Variants in MAT2B observed in about 807,000 individuals in gnomAD.
MAT2B encodes the protein methionine adenosyltransferase 2 non-catalytic beta subunit, also known as methionine adenosyltransferase 2 subunit beta.
A neutral mutation model predicts 36.1 loss-of-function variants in MAT2B; 16 were observed. The observed-to-expected ratio is 0.44, with a 90% CI of 0.30 to 0.67. The LOEUF (loss-of-function observed/expected upper bound fraction) is 0.67, where lower values mean the gene tolerates loss of function less well. Among genes scored for constraint, MAT2B ranks in the 30% least tolerant of loss-of-function variants. The probability of loss-of-function intolerance (pLI) is 0.09; values close to 1 mark genes in which losing one functional copy is unlikely to be tolerated. For missense variants in MAT2B, 332 were observed against 398.2 expected (o/e 0.83, Z 1.42); for synonymous variants, 148 against 136.9 (o/e 1.08, Z -0.57).
At chr5:163,510,394 CTTTT>C (rs1270371144) in intron 1 of MAT2B, among the ~76,000 whole-genome samples, 1 of 121,752 alleles carries the variant, frequency 8.2e-6, no homozygotes, top group African/African-American at 3.3e-5. Context: ...TTAGTTTTAG[CTTTT>C]TTTTTTTTTT....
At chr5:163,513,743 A>G in intron 3 of MAT2B, 74 bp downstream of exon 3, 1 of 1,511,920 alleles carries the variant, frequency 6.6e-7, no homozygotes, top group Non-Finnish European at 9.1e-7. Context: ...GGTTTTGTAG[A>G]TGGTTATTTG....
upstream of MAT2B, chr5:163,505,549 C>T (rs2113547512): frequency 1.6e-6 from 2 of 1,243,978 alleles, no homozygotes; most frequent in South Asian, 8.3e-5. Context: ...GCGGCTATGG[C>T]AGCGGAAGCC....
At chr5:163,509,381 A>G (rs1760000110) in intron 1 of MAT2B, among the ~76,000 whole-genome samples, 1 of 152,228 alleles carries the variant, frequency 6.6e-6, no homozygotes, top group South Asian at 2.1e-4. Flanking sequence ...ACGGATTGTT[A>G]TGAAAGCTTT....
chr5:163,507,485 A>T, intron 1 of MAT2B, among the ~76,000 whole-genome samples: 1 of 152,238 alleles, frequency 6.6e-6, no homozygotes, highest in East Asian at 1.9e-4. Context: ...AGAGGCAGAT[A>T]CGTTTAGAGT....
Position 163,512,776 on chromosome 5 carries a change from G to A in MAT2B, c.258+580G>A, listed in dbSNP as rs145022125. 4.6e-3 allele frequency: 1,923 copies of A among 421,778 alleles called. 37 individuals carry two copies. Among genetic ancestry groups the A allele is most frequent in the African/African-American group, 0.036 (1,705 of 47,668 alleles). The allele number at this position is 421,778 out of a possible 1,614,324, so 26.1% of individuals were successfully genotyped here. A position where few individuals can be genotyped will look rare whatever the true frequency, so the allele number is the denominator to read the frequency against. On this transcript the variant is annotated intron_variant, in intron 2 of 6. Transcript: ENST00000321757. ...CTCACTGCAGCCTCCGCCTCCCAGG[G>A]TTCAAGCAATTCTCCTGCCTAAGCT...
In MAT2B at chr5:163,518,399, AAAAGT is replaced by A. The variant is rs778867819; in HGVS notation, c.*38_*42del. 8 of 1,555,384 alleles carry A rather than the reference AAAAGT, an allele frequency of 5.1e-6. No homozygotes were observed. In the South Asian group the frequency reaches 6.0e-5, roughly 12 times the overall value. ...TTGGGTTCTTTTTTTTTTTTAAATG[AAAAGT>A]ATAGTATGTGGCACTTTTTAAAGAA... On this transcript the variant is annotated 3_prime_UTR_variant, in exon 7 of 7. Transcript: ENST00000321757.
chr5:163,512,993 T>G (rs112389284), intron 2 of MAT2B: 17 of 212,234 alleles, frequency 8.0e-5, no homozygotes, highest in African/African-American at 2.6e-4. Flanking sequence ...GAAACATGGT[T>G]GTTTTATTTT....
In MAT2B at chr5:163,505,651, G is replaced by A. The variant is rs1759918285; in HGVS notation, c.-36G>A. 19 of 1,263,248 alleles carry A rather than the reference G, an allele frequency of 1.5e-5. No homozygotes were observed. The highest frequency in any genetic ancestry group is 3.1e-5 in the East Asian group (1 of 32,670). 78.3% of individuals were successfully genotyped at this position (1,263,248 alleles called of 1,614,324 possible). A position where few individuals can be genotyped will look rare whatever the true frequency, so the allele number is the denominator to read the frequency against. ...GCGTCGATCCTGGGTTGGAGGAGGTGGCGGCCGCTGAGGCTGCGGCGTGAA... is the reference window on the plus strand; with the variant it reads ...GCGTCGATCCTGGGTTGGAGGAGGTAGCGGCCGCTGAGGCTGCGGCGTGAA... On this transcript the variant is annotated 5_prime_UTR_variant, in exon 1 of 7. Transcript: ENST00000321757.
At chr5:163,516,267 C>T (rs1760131556) in intron 4 of MAT2B, among the ~76,000 whole-genome samples, 1 of 152,094 alleles carries the variant, frequency 6.6e-6, no homozygotes, top group Non-Finnish European at 1.5e-5. Context: ...CCGGGCTGAT[C>T]TTGAACTCCT....
At chr5:163,506,680 CTAT>C (rs1236053321) in intron 1 of MAT2B, among the ~76,000 whole-genome samples, 1 of 152,182 alleles carries the variant, frequency 6.6e-6, no homozygotes, top group African/African-American at 2.4e-5. Context: ...GATAAATGGT[CTAT>C]TAAACCTCTA....
At chr5:163,507,808 G>C (rs544539711) in intron 1 of MAT2B, among the ~76,000 whole-genome samples, 7 of 152,142 alleles carry the variant, frequency 4.6e-5, no homozygotes, top group Non-Finnish European at 7.4e-5. Context: ...AGAGATATTT[G>C]TTTGGCATAT....
intron 1 of MAT2B, among the ~76,000 whole-genome samples, chr5:163,507,255 G>C (rs1327987800): frequency 1.3e-5 from 2 of 152,140 alleles, no homozygotes; most frequent in Admixed American, 1.3e-4. Flanking sequence ...ATTAATGCAG[G>C]TGTGCTAAAG....
At chr5:163,512,619 T>C in intron 2 of MAT2B, 1 of 424,598 alleles carries the variant, frequency 2.4e-6, no homozygotes, top group Non-Finnish European at 4.7e-6. Flanking sequence ...ATTGCATAAA[T>C]GATAGCTCTT....
Position 163,513,581 on chromosome 5 carries a change from A to C in MAT2B, c.285A>C (p.Ala95=). ...FQPHVIVHCA[A]ERRPDVVENQ... ...CCCATGTTATAGTACATTGTGCAGCAGAGAGAAGACCAGATGTTGTAGAAA... is the reference window on the plus strand; with the variant it reads ...CCCATGTTATAGTACATTGTGCAGCCGAGAGAAGACCAGATGTTGTAGAAA... Residue 95 remains alanine (A), a synonymous_variant, in exon 3 of 7, where the codon GCA becomes GCC. Transcript: ENST00000321757. 6.2e-7 allele frequency: 1 copy of C among 1,612,072 alleles called. No individual in the cohort carries two copies. The highest frequency in any genetic ancestry group is 8.5e-7 in the Non-Finnish European group (1 of 1,178,170).
chr5:163,518,435 G>A lies in MAT2B; in HGVS notation c.*72G>A. On this transcript the variant is annotated 3_prime_UTR_variant, in exon 7 of 7. Transcript: ENST00000321757. The stretch of plus-strand genomic sequence containing the variant: ...ATGTGGCACTTTTTAAAGAACAAAG[G>A]AAATAGTTTTGTATGAGTACTTTAA... 1 of 1,327,810 alleles carries A rather than the reference G, an allele frequency of 7.5e-7. No homozygotes were observed. Among genetic ancestry groups the A allele is most frequent in the South Asian group, 1.5e-5 (1 of 68,384 alleles). 82.3% of individuals were successfully genotyped at this position (1,327,810 alleles called of 1,614,324 possible).
intron 5 of MAT2B, chr5:163,517,344 A>G (rs1476836516): frequency 3.4e-6 from 1 of 293,998 alleles, no homozygotes; most frequent in African/African-American, 2.2e-5. Context: ...TTGATTTTAA[A>G]AATTCTTAAG....
At chr5:163,517,924 T>G (rs1453876858) in intron 6 of MAT2B, 3 of 492,122 alleles carry the variant, frequency 6.1e-6, no homozygotes, top group Non-Finnish European at 1.1e-5. Flanking sequence ...AAATCAGATT[T>G]CTTACACTAA....
At chr5:163,505,837 T>C in intron 1 of MAT2B, 88 bp downstream of exon 1, 1 of 1,068,162 alleles carries the variant, frequency 9.4e-7, no homozygotes, top group Non-Finnish European at 1.2e-6. Flanking sequence ...TGCAGGCGTA[T>C]TCCGCCCGGG....
At chr5:163,505,855 C>T (rs1242798649) in intron 1 of MAT2B, 106 bp downstream of exon 1, 3 of 927,674 alleles carry the variant, frequency 3.2e-6, no homozygotes, top group Non-Finnish European at 4.3e-6. Context: ...GGGTCAGAGC[C>T]TCCGGCCGGG....
Sources: allele counts gnomAD v4.1 joint callset (sites outside exome capture counted in the v4.1 genomes callset), GRCh38; gene constraint gnomAD v4.1.1; transcripts MANE v1.5; gene names NCBI Gene and HGNC (gene_info 2026-07-23, HGNC 2026-07-21).